The following DCDC1 variants were observed in gnomAD, a reference collection of about 807,000 sequenced individuals.
DCDC1 encodes doublecortin domain-containing protein 1.
DCDC1 carries 200 observed loss-of-function variants against 178.3 expected under a neutral mutation model. The observed-to-expected ratio is 1.12, with a 90% confidence interval of 1.00 to 1.26. DCDC1 has a LOEUF of 1.26. DCDC1 is among the 50% of genes most tolerant of loss of function. The probability of loss-of-function intolerance (pLI) is 0.00; values close to 1 mark genes in which losing one functional copy is unlikely to be tolerated. For synonymous variants in DCDC1, 690 were observed against 604.8 expected (o/e 1.14, Z -2.07); for missense variants, 1,983 against 1,749.2 (o/e 1.13, Z -2.38).
In DCDC1 at chr11:31,102,226, G is replaced by A. The variant is rs757263074; in HGVS notation, c.1934C>T (p.Pro645Leu). The A allele has an allele frequency of 5.4e-6, 4 of 740,388 alleles. No individual in the cohort carries two copies. Among genetic ancestry groups the A allele is most frequent in the African/African-American group, 5.1e-5 (3 of 58,824 alleles). 45.9% of individuals were successfully genotyped at this position (740,388 alleles called of 1,614,324 possible). The change falls in exon 15 of 39, where the codon CCT becomes CTT. Residue 645 changes from proline (P) to leucine (L), a missense_variant. Coordinates refer to ENST00000684477, the MANE Select transcript of DCDC1 (RefSeq NM_001387274.1). The stretch of plus-strand genomic sequence containing the variant: ...CAAGTCCACCTTTTCAAACTGGTCA[G>A]GTATCTGTTGACTGGTACAGTTGAA... ...INFNCTSQQI[P>L]DQFEKVDLEN...
intron 10 of DCDC1, among the ~76,000 whole-genome samples, chr11:31,132,291 T>C (rs890379408): frequency 6.6e-6 from 1 of 152,184 alleles, no homozygotes; most frequent in African/African-American, 2.4e-5. Context: ...ATTCATAAGG[T>C]CTTTTATCCC....
At chr11:31,232,821 G>A (rs1413732202) in intron 9 of DCDC1, among the ~76,000 whole-genome samples, 1 of 152,074 alleles carries the variant, frequency 6.6e-6, no homozygotes, top group South Asian at 2.1e-4. Flanking sequence ...ATCTTTGGTG[G>A]CTCATGCCTG....
chr11:31,158,913 A>C (rs1966019011), intron 9 of DCDC1, among the ~76,000 whole-genome samples: 1 of 152,146 alleles, frequency 6.6e-6, no homozygotes, highest in South Asian at 2.1e-4. Flanking sequence ...TATTCCCCCC[A>C]AATATCATTC....
At chr11:31,061,565 A>C (rs72882673) in intron 20 of DCDC1, among the ~76,000 whole-genome samples, 2,034 of 152,096 alleles carry the variant, frequency 0.013, 25 homozygotes, top group Non-Finnish European at 0.022. Flanking sequence ...TAAGAAAAAA[A>C]AGAAGAAGAA....
At chr11:30,873,063 G>GTCTC (rs751867014) in intron 38 of DCDC1, among the ~76,000 whole-genome samples, 1 of 147,012 alleles carries the variant, frequency 6.8e-6, no homozygotes, top group Non-Finnish European at 1.5e-5. Context: ...ATACAAGCTG[G>GTCTC]TCTCTCTCTC....
At chr11:31,323,582 T>C (rs940548689) in intron 3 of DCDC1, among the ~76,000 whole-genome samples, 1 of 152,150 alleles carries the variant, frequency 6.6e-6, no homozygotes, top group African/African-American at 2.4e-5. Context: ...TTTTATGGCA[T>C]TTAAACCTTC....
chr11:30,927,542 C>T (rs530440963), intron 22 of DCDC1, among the ~76,000 whole-genome samples: 1 of 152,252 alleles, frequency 6.6e-6, no homozygotes, highest in Admixed American at 6.5e-5. Context: ...CAGGGCTTTG[C>T]TGAAGACTTC....
intron 20 of DCDC1, among the ~76,000 whole-genome samples, chr11:30,989,279 A>G (rs1362583295): frequency 1.3e-5 from 2 of 152,230 alleles, no homozygotes; most frequent in Non-Finnish European, 2.9e-5. Flanking sequence ...CGACTTTTGT[A>G]AAGCCTGTTT....
chr11:30,960,723 A>G (rs764683316), intron 20 of DCDC1, among the ~76,000 whole-genome samples: 4 of 152,106 alleles, frequency 2.6e-5, no homozygotes, highest in Non-Finnish European at 4.4e-5. Context: ...TTCTGATAGA[A>G]ACGTTATATA....
chr11:31,186,842 A>T (rs1388636507), intron 9 of DCDC1, among the ~76,000 whole-genome samples: 2 of 152,212 alleles, frequency 1.3e-5, no homozygotes, highest in African/African-American at 2.4e-5. Context: ...CTTCAAGACT[A>T]GCATCCAATT....
chr11:31,043,064 AT>A (rs1180994625), intron 20 of DCDC1, among the ~76,000 whole-genome samples: 8 of 152,194 alleles, frequency 5.3e-5, no homozygotes, highest in African/African-American at 1.9e-4. Flanking sequence ...GGTATAGCCT[AT>A]TTCTCCTAGG....
intron 9 of DCDC1, among the ~76,000 whole-genome samples, chr11:31,153,686 G>A (rs796071508): frequency 1.1e-4 from 16 of 152,090 alleles, no homozygotes; most frequent in African/African-American, 3.9e-4. Context: ...GGAAGGCTGA[G>A]GCACAAGAAT....
At chr11:31,008,281 T>A (rs1349264263) in intron 20 of DCDC1, among the ~76,000 whole-genome samples, 6 of 151,964 alleles carry the variant, frequency 3.9e-5, no homozygotes, top group Non-Finnish European at 8.8e-5. Flanking sequence ...GTGCAGATAA[T>A]TAAAGGGATG....
intron 20 of DCDC1, among the ~76,000 whole-genome samples, chr11:31,030,232 T>G (rs1953531710): frequency 1.3e-5 from 2 of 152,122 alleles, no homozygotes; most frequent in Non-Finnish European, 2.9e-5. Flanking sequence ...ATTACCTTCT[T>G]GCAATAAGCC....
intron 9 of DCDC1, among the ~76,000 whole-genome samples, chr11:31,225,023 GGAAAA>G (rs530660617): frequency 3.3e-4 from 50 of 152,168 alleles, no homozygotes; most frequent in Admixed American, 1.6e-3. Flanking sequence ...CTACCAAAAA[GGAAAA>G]GAAGTCACTA....
chr11:31,036,138 A>G (rs1310547460), intron 20 of DCDC1, among the ~76,000 whole-genome samples: 4 of 152,226 alleles, frequency 2.6e-5, no homozygotes, highest in African/African-American at 9.7e-5. Flanking sequence ...TGAATATTTC[A>G]TCTGACAAAC....
At chr11:31,212,561 C>T (rs1565440133) in intron 9 of DCDC1, among the ~76,000 whole-genome samples, 1 of 151,944 alleles carries the variant, frequency 6.6e-6, no homozygotes, top group Non-Finnish European at 1.5e-5. Flanking sequence ...GAACAATAAA[C>T]CTACAGAAAT....
chr11:31,202,481 G>A (rs1971407923), intron 9 of DCDC1, among the ~76,000 whole-genome samples: 1 of 152,100 alleles, frequency 6.6e-6, no homozygotes, highest in Non-Finnish European at 1.5e-5. Context: ...TGAGGTGGGA[G>A]GATCACTTGA....
At chr11:31,245,644 T>C (rs1170059418) in intron 8 of DCDC1, among the ~76,000 whole-genome samples, 1 of 151,758 alleles carries the variant, frequency 6.6e-6, no homozygotes, top group Non-Finnish European at 1.5e-5. Context: ...AGGCCAGAGA[T>C]GGGTATTTTT....
Sources: allele counts gnomAD v4.1 joint callset (sites outside exome capture counted in the v4.1 genomes callset), GRCh38; gene constraint gnomAD v4.1.1; transcripts MANE v1.5; gene names NCBI Gene and HGNC (gene_info 2026-07-23, HGNC 2026-07-21).